The following EDNRB variants were observed in gnomAD, a reference collection of about 807,000 sequenced individuals.
EDNRB encodes endothelin receptor type B.
A neutral mutation model predicts 46.4 loss-of-function variants in EDNRB; 18 were observed. That is an observed-to-expected ratio of 0.39 (90% CI 0.27 to 0.57). EDNRB has a LOEUF of 0.57. Among genes scored for constraint, EDNRB ranks in the 20% least tolerant of loss-of-function variants. The probability of loss-of-function intolerance (pLI) is 0.61; values close to 1 mark genes in which losing one functional copy is unlikely to be tolerated. For missense variants in EDNRB, 434 were observed against 537.5 expected, an observed-to-expected ratio of 0.81 and a Z score of 1.90; for synonymous variants, 213 against 204.9, an observed-to-expected ratio of 1.04 and a Z score of -0.34.
At chr13:77,955,824 G>C (rs1477100635) in intron 1 of EDNRB, among the ~76,000 whole-genome samples, 1 of 149,636 alleles carries the variant, frequency 6.7e-6, no homozygotes, top group Non-Finnish European at 1.5e-5. Context: ...CTGTTCCATT[G>C]GGGTGTGTGT....
chr13:77,925,128 A>G (rs1384355098), intron 1 of EDNRB, among the ~76,000 whole-genome samples: 1 of 152,230 alleles, frequency 6.6e-6, no homozygotes, highest in Non-Finnish European at 1.5e-5. Context: ...TAGAAATCTC[A>G]TACAAATGAA....
At chr13:77,934,604 T>C (rs543952031) in intron 1 of EDNRB, among the ~76,000 whole-genome samples, 2 of 147,236 alleles carry the variant, frequency 1.4e-5, no homozygotes, top group Non-Finnish European at 3.0e-5. Context: ...TTTAGTTATC[T>C]GACTTGGGGC....
At chr13:77,969,654 C>G (rs969949253) in intron 1 of EDNRB, among the ~76,000 whole-genome samples, 1 of 152,132 alleles carries the variant, frequency 6.6e-6, no homozygotes, top group South Asian at 2.1e-4. Flanking sequence ...CATGAGGAAC[C>G]CTTATCCTAC....
At chr13:77,909,558 C>T (rs76278130) in intron 1 of EDNRB, among the ~76,000 whole-genome samples, 12 of 151,988 alleles carry the variant, frequency 7.9e-5, no homozygotes, top group African/African-American at 2.7e-4. Flanking sequence ...TGTTCACTCA[C>T]CTCATTAAAC....
chr13:77,920,453 C>T (rs141933871), upstream of EDNRB, among the ~76,000 whole-genome samples: 210 of 152,272 alleles, frequency 1.4e-3, 3 homozygotes, highest in East Asian at 1.2e-3. Context: ...ACTTCAAACC[C>T]AGAAGCACCC....
chr13:77,958,247 T>C (rs1717408905), intron 1 of EDNRB, among the ~76,000 whole-genome samples: 1 of 152,244 alleles, frequency 6.6e-6, no homozygotes. Context: ...GTGATTCTGA[T>C]GGATAGCCTG....
At chr13:77,925,388 A>G (rs898764492) in intron 1 of EDNRB, among the ~76,000 whole-genome samples, 1 of 152,146 alleles carries the variant, frequency 6.6e-6, no homozygotes, top group Non-Finnish European at 1.5e-5. Context: ...GTATTTGCAG[A>G]CTCATGATCA....
chr13:77,969,639 A>C (rs1189203461), intron 1 of EDNRB, among the ~76,000 whole-genome samples: 1 of 152,158 alleles, frequency 6.6e-6, no homozygotes, highest in Non-Finnish European at 1.5e-5. Context: ...GTTCACAAGG[A>C]AAGTCATGAG....
chr13:77,938,502 C>T (rs781657479), intron 1 of EDNRB, among the ~76,000 whole-genome samples: 11 of 151,810 alleles, frequency 7.2e-5, no homozygotes, highest in Non-Finnish European at 1.6e-4. Context: ...GGGGTTCTTA[C>T]CCCCCAGAAA....
intron 1 of EDNRB, among the ~76,000 whole-genome samples, chr13:77,970,393 A>G (rs1881694604): frequency 6.6e-6 from 1 of 152,108 alleles, no homozygotes; most frequent in East Asian, 1.9e-4. Flanking sequence ...TTCGGCTGGG[A>G]GAATCGGCAA....
chr13:77,955,410 A>G (rs1313829645), intron 1 of EDNRB, among the ~76,000 whole-genome samples: 1 of 152,084 alleles, frequency 6.6e-6, no homozygotes, highest in East Asian at 1.9e-4. Flanking sequence ...ATGTTCTTCC[A>G]TTCTGTTGGT....
At chr13:77,969,526 G>C (rs997085933) in intron 1 of EDNRB, among the ~76,000 whole-genome samples, 2 of 152,150 alleles carry the variant, frequency 1.3e-5, no homozygotes, top group African/African-American at 4.8e-5. Context: ...GTCTGAGAAA[G>C]TTCTAAGAAC....
intron 1 of EDNRB, among the ~76,000 whole-genome samples, chr13:77,931,101 A>G (rs1036902187): frequency 5.3e-5 from 8 of 152,190 alleles, no homozygotes; most frequent in African/African-American, 1.9e-4. Flanking sequence ...CATGTTGTTT[A>G]CTAAGATAAT....
chr13:77,913,442 C>T (rs1879671247), intron 1 of EDNRB, among the ~76,000 whole-genome samples: 1 of 152,070 alleles, frequency 6.6e-6, no homozygotes, highest in Non-Finnish European at 1.5e-5. Context: ...CACCTGATTA[C>T]CTTTGGATCC....
chr13:77,901,305 T>A, intron 3 of EDNRB, 98 bp from the exon 4 acceptor site: 1 of 1,283,878 alleles, frequency 7.8e-7, no homozygotes, highest in Non-Finnish European at 1.1e-6. Flanking sequence ...GGAATGATTA[T>A]CTTCTAAATT....
rs756562323 is a variant in EDNRB at position 77,930,311 on chromosome 13, A to G, written c.-51-11687T>C. Among the ~76,000 whole-genome samples the G allele has an allele frequency of 2.7e-4, 41 of 152,328 alleles. 1 individual carries two copies. The highest frequency in any genetic ancestry group is 4.3e-4 in the Non-Finnish European group (29 of 68,026). On this transcript the variant is annotated intron_variant, in intron 1 of 7. Transcript: ENST00000646948. ...GATTCTGCATCACATACAGAGCTAC[A>G]TAGATTCAGATGACTTGTTTATTTC... is the stretch of plus-strand genomic sequence containing the variant.
chr13:77,973,923 C>T (rs965594512), intron 1 of EDNRB, among the ~76,000 whole-genome samples: 21 of 144,350 alleles, frequency 1.5e-4, no homozygotes, highest in African/African-American at 5.1e-4. Context: ...ATAAATTCTG[C>T]CCCCCCTTTT....
chr13:77,936,296 G>A (rs138038096), intron 1 of EDNRB, among the ~76,000 whole-genome samples: 152 of 152,120 alleles, frequency 1.0e-3, no homozygotes, highest in African/African-American at 3.3e-3. Flanking sequence ...AAAGTGTCTC[G>A]GCCTAATAAG....
At chr13:77,904,082 A>G (rs1464387420) in intron 1 of EDNRB, among the ~76,000 whole-genome samples, 2 of 151,992 alleles carry the variant, frequency 1.3e-5, no homozygotes, top group Non-Finnish European at 2.9e-5. Flanking sequence ...TCTTCATTGC[A>G]GTCAGTTTAC....
Sources: allele counts gnomAD v4.1 joint callset (sites outside exome capture counted in the v4.1 genomes callset), GRCh38; gene constraint gnomAD v4.1.1; transcripts MANE v1.5; gene names NCBI Gene and HGNC (gene_info 2026-07-23, HGNC 2026-07-21).